FSTL5: variants seen among roughly 807,000 people sequenced by gnomAD.
FSTL5 encodes the protein follistatin like 5.
Under a neutral mutation model 89.1 loss-of-function variants are expected in FSTL5, and 62 were observed. The observed-to-expected ratio is 0.70, with a 90% CI of 0.57 to 0.86. FSTL5 has a LOEUF of 0.86. FSTL5 is among the 40% of genes least tolerant of loss of function. The pLI is 0.00. For missense variants in FSTL5, 1,057 were observed against 1,001.6 expected (o/e 1.06, Z -0.75); for synonymous variants, 383 against 346.2 (o/e 1.11, Z -1.18).
At chr4:161,509,597 G>A (rs1285250682) in intron 11 of FSTL5, among the ~76,000 whole-genome samples, 1 of 152,092 alleles carries the variant, frequency 6.6e-6, no homozygotes, top group Non-Finnish European at 1.5e-5. Flanking sequence ...GCTTTCACAG[G>A]GTACAGTGAC....
At chr4:161,477,719 A>G (rs7688557) in intron 13 of FSTL5, among the ~76,000 whole-genome samples, 8,182 of 151,894 alleles carry the variant, frequency 0.054, 601 homozygotes, top group African/African-American at 0.17. Context: ...AATTTTAATA[A>G]TTCACTTTTA....
chr4:161,711,944 A>G (rs1314585396), intron 6 of FSTL5, among the ~76,000 whole-genome samples: 2 of 152,192 alleles, frequency 1.3e-5, no homozygotes, highest in Admixed American at 6.5e-5. Flanking sequence ...GATAAATATA[A>G]TCAGCAACTA....
At chr4:161,994,595 C>T (rs1384287681) in intron 3 of FSTL5, among the ~76,000 whole-genome samples, 1 of 152,194 alleles carries the variant, frequency 6.6e-6, no homozygotes, top group Non-Finnish European at 1.5e-5. Flanking sequence ...GAGATGACAT[C>T]TCACTGCGGT....
chr4:161,516,879 T>G (rs1730861587), intron 10 of FSTL5, among the ~76,000 whole-genome samples: 1 of 151,730 alleles, frequency 6.6e-6, no homozygotes, highest in Admixed American at 6.6e-5. Flanking sequence ...TTAAGGGATA[T>G]CCTTACCAGA....
At chr4:161,578,469 C>A (rs2126595704) in intron 8 of FSTL5, among the ~76,000 whole-genome samples, 1 of 151,982 alleles carries the variant, frequency 6.6e-6, no homozygotes, top group African/African-American at 2.4e-5. Flanking sequence ...GAAGAGAATT[C>A]AGTGATTTAT....
intron 3 of FSTL5, among the ~76,000 whole-genome samples, chr4:161,981,666 T>C (rs17640182): frequency 0.41 from 62,195 of 152,030 alleles, 13,145 homozygotes; most frequent in East Asian, 0.58. Context: ...TCAGATACTT[T>C]GCAAATGTAG....
rs1229427664 is a variant in FSTL5 at position 161,421,044 on chromosome 4, GAAAGTACTCA to G, written c.1841+33950_1841+33959del. ...TTACAGACAGTGTAAATGTTATAAA[GAAAGTACTCA>G]GTAGAGGCTGGGCACTGTGGCTCAT... On this transcript the variant is annotated intron_variant, in intron 15 of 15. Transcript: ENST00000306100. Among the ~76,000 whole-genome samples the G allele has an allele frequency of 2.0e-5, 3 of 152,078 alleles. No homozygotes were observed. The South Asian group carries it at 6.2e-4, about 32-fold the overall frequency.
intron 7 of FSTL5, among the ~76,000 whole-genome samples, chr4:161,640,727 G>A (rs953405232): frequency 3.2e-4 from 43 of 133,886 alleles, no homozygotes; most frequent in African/African-American, 1.5e-3. Flanking sequence ...AGGAGAAGAA[G>A]CAGAGAAAAT....
rs557723544 is a variant in FSTL5, at chr4:161,916,173, C to T, written c.409+4231G>A. ...AACCATATTTCTCAAGTTGTTATTGCTTGTGATGCACATTTAAGTGCACAG... is the reference window on the plus strand; with the variant it reads ...AACCATATTTCTCAAGTTGTTATTGTTTGTGATGCACATTTAAGTGCACAG... On this transcript the variant is annotated intron_variant, in intron 4 of 15. Coordinates refer to ENST00000306100, the MANE Select transcript of FSTL5 (RefSeq NM_020116.5). 4.7e-4 allele frequency among the ~76,000 whole-genome samples: 71 copies of T among 152,250 alleles called. No individual in the cohort carries two copies. The South Asian group carries it at 0.013, about 28-fold the overall frequency.
chr4:161,966,836 G>A (rs1167296644), intron 3 of FSTL5, among the ~76,000 whole-genome samples: 2 of 151,994 alleles, frequency 1.3e-5, no homozygotes, highest in African/African-American at 2.4e-5. Context: ...AACAAACATG[G>A]AGACACTTCC....
intron 4 of FSTL5, among the ~76,000 whole-genome samples, chr4:161,793,675 C>T (rs1207124229): frequency 6.6e-6 from 1 of 151,272 alleles, no homozygotes; most frequent in African/African-American, 2.4e-5. Context: ...GTGGTGCCGT[C>T]TCAGCTCACT....
intron 15 of FSTL5, among the ~76,000 whole-genome samples, chr4:161,411,531 A>G (rs912779565): frequency 2.6e-5 from 4 of 152,238 alleles, no homozygotes; most frequent in African/African-American, 9.6e-5. Context: ...GGCTAATTCA[A>G]CATATGCAGA....
chr4:161,573,733 CAAAAAA>C (rs70937664), intron 8 of FSTL5, among the ~76,000 whole-genome samples: 11 of 50,622 alleles, frequency 2.2e-4, no homozygotes, highest in Admixed American at 2.8e-4. Context: ...AACTCCAGCT[CAAAAAA>C]AAAAAAAAAA....
At chr4:162,002,551 A>G (rs1736495383) in intron 3 of FSTL5, among the ~76,000 whole-genome samples, 1 of 152,194 alleles carries the variant, frequency 6.6e-6, no homozygotes. Flanking sequence ...TAACAATGCA[A>G]AACTGAATGT....
At chr4:161,450,423 T>C (rs965546299) in intron 15 of FSTL5, among the ~76,000 whole-genome samples, 2 of 152,230 alleles carry the variant, frequency 1.3e-5, no homozygotes, top group Non-Finnish European at 2.9e-5. Flanking sequence ...TTACTTGTTT[T>C]GAAGTTTAAC....
chr4:161,547,927 C>A (rs181168444), intron 8 of FSTL5, among the ~76,000 whole-genome samples: 11 of 151,808 alleles, frequency 7.2e-5, no homozygotes, highest in Admixed American at 6.6e-4. Flanking sequence ...ATTAATAAAG[C>A]AACAAATATA....
intron 2 of FSTL5, among the ~76,000 whole-genome samples, chr4:162,060,324 T>C (rs936452928): frequency 3.9e-5 from 6 of 152,084 alleles, no homozygotes; most frequent in African/African-American, 1.4e-4. Context: ...AAAGCCAACA[T>C]AGCATAGTAG....
intron 4 of FSTL5, among the ~76,000 whole-genome samples, chr4:161,862,756 A>G (rs1278243260): frequency 6.6e-6 from 1 of 152,118 alleles, no homozygotes; most frequent in Non-Finnish European, 1.5e-5. Context: ...AAATAGAGAA[A>G]GAAATGATAA....
At chr4:161,702,984 T>G (rs1738451940) in intron 6 of FSTL5, among the ~76,000 whole-genome samples, 1 of 152,192 alleles carries the variant, frequency 6.6e-6, no homozygotes. Context: ...GGGTGGGCTC[T>G]AATCCATCTA....
Sources: allele counts gnomAD v4.1 joint callset (sites outside exome capture counted in the v4.1 genomes callset), GRCh38; gene constraint gnomAD v4.1.1; transcripts MANE v1.5; gene names NCBI Gene and HGNC (gene_info 2026-07-23, HGNC 2026-07-21).